Variants in RAB4A observed in about 807,000 individuals in gnomAD.
RAB4A encodes ras-related protein Rab-4A.
RAB4A carries 20 observed loss-of-function variants against 34.5 expected under a neutral mutation model. The ratio of observed to expected loss-of-function variants is 0.58; its 90% CI spans 0.41 to 0.84. The LOEUF (loss-of-function observed/expected upper bound fraction) is 0.84, where lower values mean the gene tolerates loss of function less well. Among genes scored for constraint, RAB4A ranks in the 40% least tolerant of loss-of-function variants. RAB4A has a pLI of 0.00. For synonymous variants in RAB4A, 102 were observed against 100.0 expected (o/e 1.02, Z -0.12); for missense variants, 228 against 274.5 (o/e 0.83, Z 1.20).
intron 1 of RAB4A, among the ~76,000 whole-genome samples, chr1:229,283,330 A>G (rs986434579): frequency 6.6e-6 from 1 of 152,164 alleles, no homozygotes; most frequent in Non-Finnish European, 1.5e-5. Context: ...CTCTGACACC[A>G]TCTTTGTGGG....
intron 1 of RAB4A, among the ~76,000 whole-genome samples, chr1:229,286,050 T>G (rs1656915978): frequency 6.6e-6 from 1 of 152,204 alleles, no homozygotes. Context: ...ATTTTTTTCC[T>G]TTTCCCTTTT....
At chr1:229,295,736 T>C in intron 3 of RAB4A, 112 bp from the exon 4 acceptor site, 1 of 918,792 alleles carries the variant, frequency 1.1e-6, no homozygotes, top group South Asian at 1.5e-5. Context: ...TAAACCAGTG[T>C]CTGTCCCTGT....
At chr1:229,282,668 G>A (rs1315761722) in intron 1 of RAB4A, among the ~76,000 whole-genome samples, 1 of 152,092 alleles carries the variant, frequency 6.6e-6, no homozygotes, top group African/African-American at 2.4e-5. Context: ...TTATCATTTT[G>A]TCATCTAGTT....
At chr1:229,272,107 A>G (rs1656502405) in intron 1 of RAB4A, among the ~76,000 whole-genome samples, 1 of 150,138 alleles carries the variant, frequency 6.7e-6, no homozygotes, top group South Asian at 2.1e-4. Flanking sequence ...CCCAGTGCAT[A>G]TGCTGTGTGC....
At chr1:229,279,240 A>G (rs538962446) in intron 1 of RAB4A, among the ~76,000 whole-genome samples, 1 of 152,342 alleles carries the variant, frequency 6.6e-6, no homozygotes, top group East Asian at 1.9e-4. Context: ...CCTTTCTGAC[A>G]TTTGGAAATC....
chr1:229,289,320 G>A (rs1183053965), intron 3 of RAB4A: 3 of 153,094 alleles, frequency 2.0e-5, no homozygotes, highest in Non-Finnish European at 4.4e-5. Context: ...GGCTCAGAAT[G>A]ACTTCAGTCA....
At chr1:229,278,014 G>A (rs942176945) in intron 1 of RAB4A, among the ~76,000 whole-genome samples, 2 of 146,700 alleles carry the variant, frequency 1.4e-5, no homozygotes, top group East Asian at 1.9e-4. Context: ...ACAAGTGTGC[G>A]CCACCACGCC....
chr1:229,299,451 A>C (rs1657326541), intron 6 of RAB4A, among the ~76,000 whole-genome samples: 1 of 152,186 alleles, frequency 6.6e-6, no homozygotes, highest in Non-Finnish European at 1.5e-5. Context: ...GTCATGTGTA[A>C]GGGAGTTATA....
intron 1 of RAB4A, among the ~76,000 whole-genome samples, chr1:229,278,442 C>A (rs1053853258): frequency 6.6e-6 from 1 of 152,188 alleles, no homozygotes. Context: ...CTATTTTAAA[C>A]CTTCACACAT....
chr1:229,277,415 C>T (rs1656679308), intron 1 of RAB4A, among the ~76,000 whole-genome samples: 2 of 151,324 alleles, frequency 1.3e-5, no homozygotes, highest in South Asian at 2.1e-4. Flanking sequence ...AGGTCGTGTG[C>T]TCTTCTGCTG....
intron 1 of RAB4A, among the ~76,000 whole-genome samples, chr1:229,274,423 CATATT>C (rs1392696790): frequency 6.6e-6 from 1 of 152,124 alleles, no homozygotes; most frequent in Non-Finnish European, 1.5e-5. Context: ...TGCTTTTTAA[CATATT>C]AAAACAGTAT....
intron 3 of RAB4A, among the ~76,000 whole-genome samples, chr1:229,291,911 T>C (rs1053407716): frequency 5.3e-5 from 8 of 152,130 alleles, no homozygotes; most frequent in Non-Finnish European, 1.0e-4. Flanking sequence ...GTTCGTGTCC[T>C]TTGTAGGGAC....
chr1:229,277,791 C>T (rs1656688037), intron 1 of RAB4A, among the ~76,000 whole-genome samples: 1 of 151,310 alleles, frequency 6.6e-6, no homozygotes, highest in Non-Finnish European at 1.5e-5. Flanking sequence ...GACTTTGTCA[C>T]CTATCCCATT....
intron 5 of RAB4A, among the ~76,000 whole-genome samples, chr1:229,298,205 G>A (rs1490559797): frequency 6.6e-6 from 1 of 152,090 alleles, no homozygotes; most frequent in Non-Finnish European, 1.5e-5. Context: ...TTAATTTTTA[G>A]AACCAAAAAC....
At position 229,297,534 on chromosome 1, in the gene RAB4A, G is replaced by A; in HGVS notation, c.343G>A (p.Ala115Thr). Reference sequence around the variant, plus strand: ...TTGGTTAACAGATGCCCGAATGCTAGCGAGCCAGAACATTGTGATCATCCT... The same window carrying A: ...TTGGTTAACAGATGCCCGAATGCTAACGAGCCAGAACATTGTGATCATCCT... ...TNWLTDARML[A>T]SQNIVIILCG... The change falls in exon 5 of 8, where the codon GCG becomes ACG. Residue 115 changes from alanine (A) to threonine (T), a missense_variant. Coordinates refer to ENST00000366690, the MANE Select transcript of RAB4A (RefSeq NM_004578.4). 1 of 1,612,320 alleles carries A rather than the reference G, an allele frequency of 6.2e-7. No individual in the cohort carries two copies. Among genetic ancestry groups the A allele is most frequent in the Non-Finnish European group, 8.5e-7 (1 of 1,179,766 alleles).
intron 3 of RAB4A, among the ~76,000 whole-genome samples, chr1:229,294,867 G>A (rs1657195508): frequency 6.6e-6 from 1 of 152,132 alleles, no homozygotes; most frequent in Non-Finnish European, 1.5e-5. Flanking sequence ...CAGACAGTGG[G>A]ACAGTAACTG....
rs560481750 is a variant in RAB4A, at chr1:229,271,153, C to G, written c.-187C>G. ...CGCGGCCGGACGGAGGGTGGAGGGC[C>G]CTGCGCCTGCGCGGAGCTGGAGTCC... On this transcript the variant is annotated 5_prime_UTR_variant, in exon 1 of 8. Transcript: ENST00000366690. 4 of 437,544 alleles carry G rather than the reference C, an allele frequency of 9.1e-6. No homozygotes were observed. The South Asian group carries it at 4.3e-4, about 47-fold the overall frequency. The allele number at this position is 437,544 out of a possible 1,614,324, so 27.1% of individuals were successfully genotyped here.
intron 1 of RAB4A, among the ~76,000 whole-genome samples, chr1:229,276,018 A>T (rs1008972516): frequency 2.0e-5 from 3 of 151,418 alleles, no homozygotes; most frequent in Non-Finnish European, 4.4e-5. Context: ...CCTTAATTTC[A>T]TGAAAGATGG....
rs971539331 is a variant in RAB4A at position 229,303,387 on chromosome 1, C to A, written c.*12+398C>A. 6.6e-5 allele frequency among the ~76,000 whole-genome samples: 10 copies of A among 151,818 alleles called. No individual in the cohort carries two copies. The South Asian group carries it at 1.3e-3, about 19-fold the overall frequency. On this transcript the variant is annotated intron_variant, in intron 7 of 7. Transcript: ENST00000366690. ...AAAAAAAAAAGAGAAGGAGAAGAAC[C>A]CATAAGTTAAAGTTGGATGTTCTAA...
Sources: gnomAD v4.1 joint callset for allele counts (sites outside exome capture counted in the v4.1 genomes callset) on GRCh38, gnomAD v4.1.1 for gene constraint, MANE v1.5 for transcripts, NCBI Gene and HGNC (gene_info 2026-07-23, HGNC 2026-07-21) for gene names.